The following APBA1 variants were observed in gnomAD, a reference collection of about 807,000 sequenced individuals.
APBA1 encodes amyloid-beta A4 precursor protein-binding family A member 1.
APBA1 carries 55 observed loss-of-function variants against 86.6 expected under a neutral mutation model. The ratio of observed to expected loss-of-function variants is 0.64; its 90% CI spans 0.51 to 0.80. The LOEUF is 0.80. APBA1 is among the 30% of genes least tolerant of loss of function. The pLI is 0.00. For synonymous variants in APBA1, 511 were observed against 493.9 expected, an observed-to-expected ratio of 1.03 and a Z score of -0.46; for missense variants, 1,090 against 1,183.0, an observed-to-expected ratio of 0.92 and a Z score of 1.15.
At chr9:69,641,869 A>T (rs1823291932) in intron 1 of APBA1, among the ~76,000 whole-genome samples, 1 of 152,168 alleles carries the variant, frequency 6.6e-6, no homozygotes, top group African/African-American at 2.4e-5. Flanking sequence ...TTTTTGACAG[A>T]GTCTCTCGCT....
intron 5 of APBA1, among the ~76,000 whole-genome samples, chr9:69,459,474 C>A (rs1835155273): frequency 6.6e-6 from 1 of 152,244 alleles, no homozygotes; most frequent in Non-Finnish European, 1.5e-5. Context: ...AAGGTGCACA[C>A]ACAGGTAGGA....
At chr9:69,458,247 C>G (rs569348092) in intron 5 of APBA1, 59 bp from the exon 6 acceptor site, 2 of 1,513,192 alleles carry the variant, frequency 1.3e-6, no homozygotes, top group Admixed American at 2.0e-5. Flanking sequence ...TGTAGAGACT[C>G]AAAGTCAAAA....
At chr9:69,672,493 C>T (rs1342734313), upstream of APBA1, among the ~76,000 whole-genome samples, 1 of 147,820 alleles carries the variant, frequency 6.8e-6, no homozygotes, top group Non-Finnish European at 1.5e-5. Context: ...CGCGCGCACG[C>T]CGCCTGCTAG....
At position 69,640,635 on chromosome 9, in the gene APBA1, A is replaced by C. The variant is rs187651079; in HGVS notation, c.-70+31518T>G. Among the ~76,000 whole-genome samples the C allele has an allele frequency of 5.5e-3, 837 of 152,228 alleles. 6 individuals carry two copies. Among genetic ancestry groups the C allele is most frequent in the African/African-American group, 0.018 (748 of 41,560 alleles). On this transcript the variant is annotated intron_variant, in intron 1 of 12. Coordinates refer to ENST00000265381, the MANE Select transcript of APBA1 (RefSeq NM_001163.4). Reference sequence around the variant, plus strand: ...GGTATTAGTATCCCTATTTCTCAGAAGACAGAAACTGACCTTTCCAAGGCT... The same window carrying C: ...GGTATTAGTATCCCTATTTCTCAGACGACAGAAACTGACCTTTCCAAGGCT...
intron 2 of APBA1, among the ~76,000 whole-genome samples, chr9:69,491,544 G>A (rs985505276): frequency 4.6e-5 from 7 of 151,158 alleles, no homozygotes; most frequent in Admixed American, 4.0e-4. Context: ...CGTGGCGCAT[G>A]TATACATATG....
chr9:69,440,826 C>A (rs138538943), intron 11 of APBA1, among the ~76,000 whole-genome samples, 170 bp downstream of exon 11: 36 of 152,308 alleles, frequency 2.4e-4, no homozygotes, highest in African/African-American at 8.4e-4. Context: ...GTGAGATGAA[C>A]CTGGTACCTC....
At chr9:69,525,776 A>G (rs1836332917) in intron 1 of APBA1, among the ~76,000 whole-genome samples, 1 of 152,180 alleles carries the variant, frequency 6.6e-6, no homozygotes, top group African/African-American at 2.4e-5. Flanking sequence ...CTAAGCAAAA[A>G]GAGCAAAGCC....
At chr9:69,524,850 A>G (rs942103561) in intron 1 of APBA1, among the ~76,000 whole-genome samples, 1 of 152,208 alleles carries the variant, frequency 6.6e-6, no homozygotes, top group Non-Finnish European at 1.5e-5. Context: ...ATACCAGCAA[A>G]CTGAATCCAA....
At chr9:69,594,841 G>A (rs1405703594) in intron 1 of APBA1, among the ~76,000 whole-genome samples, 3 of 152,070 alleles carry the variant, frequency 2.0e-5, no homozygotes, top group Non-Finnish European at 4.4e-5. Context: ...ATAATGTTTT[G>A]GAGTCTGACA....
intron 10 of APBA1, 25 bp from the exon 11 acceptor site, chr9:69,441,140 G>T: frequency 2.5e-6 from 4 of 1,606,166 alleles, no homozygotes; most frequent in Non-Finnish European, 3.4e-6. Context: ...AAGTACAGTG[G>T]GTATGGTGAC....
chr9:69,482,743 T>G (rs1260428285), intron 2 of APBA1, among the ~76,000 whole-genome samples: 7 of 151,758 alleles, frequency 4.6e-5, no homozygotes, highest in East Asian at 3.9e-4. Context: ...ACAAATGATA[T>G]ACTGGATTAA....
chr9:69,629,894 C>G (rs1404086645), intron 1 of APBA1, among the ~76,000 whole-genome samples: 1 of 152,104 alleles, frequency 6.6e-6, no homozygotes, highest in Non-Finnish European at 1.5e-5. Context: ...TTAGTGAGGT[C>G]CTACTCCCGG....
chr9:69,516,914 C>T lies in APBA1; in HGVS notation c.297G>A (p.Ala99=), dbSNP rs1455656729. Residue 99 remains alanine (A), a synonymous_variant, in exon 2 of 13, where the codon GCG becomes GCA. Transcript: ENST00000265381. The surrounding 1 kb of genome is among the most constrained non-coding windows in gnomAD (Gnocchi z 7.3). ...TDTAEGDVIA[A]ARDGYDAERA... is the part of the protein sequence containing the mutation. ...GCTCCGCATCGTAGCCGTCGCGGGCCGCGGCGATCACGTCGCCCTCGGCGG... is the reference window on the plus strand; with the variant it reads ...GCTCCGCATCGTAGCCGTCGCGGGCTGCGGCGATCACGTCGCCCTCGGCGG... 2 of 1,594,546 alleles carry T rather than the reference C, an allele frequency of 1.3e-6. No individual in the cohort carries two copies. The highest frequency in any genetic ancestry group is 2.2e-5 in the East Asian group (1 of 44,654).
chr9:69,589,858 A>G (rs1278076813), intron 1 of APBA1, among the ~76,000 whole-genome samples: 1 of 152,082 alleles, frequency 6.6e-6, no homozygotes, highest in East Asian at 1.9e-4. Flanking sequence ...CAAAATACTC[A>G]CTGTATATTC....
intron 2 of APBA1, among the ~76,000 whole-genome samples, chr9:69,502,131 G>GAGGGTTAAAAA (rs141845216): frequency 0.014 from 2,199 of 152,188 alleles, 54 homozygotes; most frequent in African/African-American, 0.05. Context: ...TTGGAGCCCA[G>GAGGGTTAAAAA]AGGGTTAAAA....
At chr9:69,624,991 G>A (rs1822900658) in intron 1 of APBA1, among the ~76,000 whole-genome samples, 1 of 152,174 alleles carries the variant, frequency 6.6e-6, no homozygotes, top group South Asian at 2.1e-4. Flanking sequence ...CTGCTAATAG[G>A]TTTCTTGCCT....
At chr9:69,576,323 G>C (rs1330946108) in intron 1 of APBA1, among the ~76,000 whole-genome samples, 1 of 152,190 alleles carries the variant, frequency 6.6e-6, no homozygotes, top group Non-Finnish European at 1.5e-5. Context: ...TCTAGAACTA[G>C]AAATACCATT....
chr9:69,648,250 T>A (rs185696369), intron 1 of APBA1, among the ~76,000 whole-genome samples: 1 of 152,314 alleles, frequency 6.6e-6, no homozygotes, highest in East Asian at 1.9e-4. Context: ...GGGTTAGGAA[T>A]AAAACTCTCT....
intron 1 of APBA1, among the ~76,000 whole-genome samples, chr9:69,582,865 CT>C (rs1037928595): frequency 2.0e-5 from 3 of 151,748 alleles, no homozygotes; most frequent in African/African-American, 7.3e-5. Flanking sequence ...CCTGTGTAGA[CT>C]CACTATGTAT....
Sources: allele counts gnomAD v4.1 joint callset (sites outside exome capture counted in the v4.1 genomes callset), GRCh38; gene constraint gnomAD v4.1.1; non-coding constraint Gnocchi (gnomAD v3.1); transcripts MANE v1.5; gene names NCBI Gene and HGNC (gene_info 2026-07-23, HGNC 2026-07-21).